The following KLHL1 variants were observed in gnomAD, a reference collection of about 807,000 sequenced individuals.
KLHL1 encodes kelch like family member 1.
In KLHL1, 47 loss-of-function variants were observed where a neutral mutation model predicts 77.7. That is an observed-to-expected ratio of 0.60 (90% CI 0.48 to 0.77). KLHL1 has a LOEUF of 0.77. Among genes scored for constraint, KLHL1 ranks in the 30% least tolerant of loss-of-function variants. KLHL1 has a pLI of 0.00. For missense variants in KLHL1, 925 were observed against 910.8 expected, an observed-to-expected ratio of 1.02 and a Z score of -0.20; for synonymous variants, 360 against 325.2, an observed-to-expected ratio of 1.11 and a Z score of -1.15.
chr13:69,917,259 A>C (rs1882477393), intron 4 of KLHL1, among the ~76,000 whole-genome samples: 1 of 152,044 alleles, frequency 6.6e-6, no homozygotes, highest in Non-Finnish European at 1.5e-5. Context: ...AAGTAAATAA[A>C]ATGAAATGCT....
intron 4 of KLHL1, among the ~76,000 whole-genome samples, chr13:69,888,976 A>G (rs1036831889): frequency 1.4e-4 from 22 of 151,968 alleles, no homozygotes; most frequent in African/African-American, 4.8e-4. Context: ...GATAGCAAAT[A>G]TCAAGAGTTA....
At chr13:70,007,379 T>C (rs1266842939) in intron 1 of KLHL1, among the ~76,000 whole-genome samples, 1 of 151,790 alleles carries the variant, frequency 6.6e-6, no homozygotes, top group Non-Finnish European at 1.5e-5. Context: ...TATATAGGTA[T>C]ATATTGATAC....
chr13:69,765,012 C>T (rs1165236164), intron 7 of KLHL1, among the ~76,000 whole-genome samples: 8 of 122,326 alleles, frequency 6.5e-5, no homozygotes, highest in Admixed American at 1.1e-4. Context: ...AGTGCAGTGG[C>T]GCAATCTCAG....
chr13:69,827,803 C>T (rs1197707763), intron 6 of KLHL1, among the ~76,000 whole-genome samples: 1 of 150,042 alleles, frequency 6.7e-6, no homozygotes, highest in African/African-American at 2.5e-5. Flanking sequence ...AGCAAAAGAG[C>T]AGAAGAAATA....
intron 4 of KLHL1, among the ~76,000 whole-genome samples, chr13:69,933,969 A>C (rs960260458): frequency 6.6e-6 from 1 of 152,160 alleles, no homozygotes; most frequent in East Asian, 1.9e-4. Flanking sequence ...AGCATATTGA[A>C]TAGGGCATGA....
At chr13:69,952,733 T>G (rs2137256912) in intron 3 of KLHL1, among the ~76,000 whole-genome samples, 1 of 151,434 alleles carries the variant, frequency 6.6e-6, no homozygotes, top group South Asian at 2.1e-4. Flanking sequence ...TGTTTAAAAT[T>G]AAAGTGCTTC....
chr13:69,860,787 T>A (rs1009498323), intron 5 of KLHL1, among the ~76,000 whole-genome samples: 59 of 151,958 alleles, frequency 3.9e-4, no homozygotes, highest in African/African-American at 1.3e-3. Context: ...AATGTGTTTT[T>A]ATTTTATCAG....
chr13:69,749,375 CATG>C (rs768151317), intron 7 of KLHL1, among the ~76,000 whole-genome samples: 1 of 151,880 alleles, frequency 6.6e-6, no homozygotes, highest in Non-Finnish European at 1.5e-5. Context: ...TTAATAATTA[CATG>C]ATGACTTCTG....
intron 1 of KLHL1, among the ~76,000 whole-genome samples, chr13:70,059,157 CTTT>C (rs58877477): frequency 1.4e-5 from 2 of 139,326 alleles, no homozygotes; most frequent in Admixed American, 7.2e-5. Flanking sequence ...AATATTTCTT[CTTT>C]TTTTTTTTTT....
At chr13:69,782,775 G>C (rs1447993984) in intron 7 of KLHL1, among the ~76,000 whole-genome samples, 4 of 152,192 alleles carry the variant, frequency 2.6e-5, no homozygotes, top group Admixed American at 6.5e-5. Context: ...AACCTCTACA[G>C]ACTTAAATGT....
intron 1 of KLHL1, among the ~76,000 whole-genome samples, chr13:70,019,685 C>G (rs1053639830): frequency 2.6e-5 from 4 of 152,096 alleles, no homozygotes; most frequent in Non-Finnish European, 5.9e-5. Context: ...CCCAAAGTTA[C>G]ACAGTTTATA....
chr13:69,985,071 C>T (rs1884824374), intron 1 of KLHL1, among the ~76,000 whole-genome samples: 1 of 152,048 alleles, frequency 6.6e-6, no homozygotes, highest in Admixed American at 6.6e-5. Context: ...GAGATTGCAC[C>T]ACTGCACTAC....
intron 2 of KLHL1, among the ~76,000 whole-genome samples, chr13:69,972,460 T>A (rs1036192374): frequency 1.3e-5 from 2 of 151,908 alleles, no homozygotes; most frequent in African/African-American, 4.8e-5. Flanking sequence ...TATTCTTCAT[T>A]TAAGTTTTCA....
intron 1 of KLHL1, among the ~76,000 whole-genome samples, chr13:70,048,036 C>T (rs1001330728): frequency 3.9e-5 from 6 of 152,026 alleles, no homozygotes; most frequent in African/African-American, 9.7e-5. Flanking sequence ...TTTTTCTGTG[C>T]GTAAGGGGGT....
At chr13:69,734,309 G>A (rs1353257708) in intron 8 of KLHL1, among the ~76,000 whole-genome samples, 1 of 152,160 alleles carries the variant, frequency 6.6e-6, no homozygotes, top group Non-Finnish European at 1.5e-5. Context: ...CCTAGAAGCT[G>A]TGCAGATGCC....
intron 1 of KLHL1, among the ~76,000 whole-genome samples, chr13:70,061,206 T>A (rs1055825810): frequency 6.6e-6 from 1 of 152,166 alleles, no homozygotes; most frequent in African/African-American, 2.4e-5. Flanking sequence ...AGTGTAGAAT[T>A]CTTGCACATC....
At chr13:69,978,820 C>T (rs1037294324) in intron 1 of KLHL1, among the ~76,000 whole-genome samples, 2 of 152,030 alleles carry the variant, frequency 1.3e-5, no homozygotes, top group African/African-American at 2.4e-5. Flanking sequence ...ATAAAGATTT[C>T]ATAATCTAGG....
At chr13:69,797,700 G>T (rs948474609) in intron 6 of KLHL1, among the ~76,000 whole-genome samples, 3 of 151,450 alleles carry the variant, frequency 2.0e-5, no homozygotes, top group African/African-American at 7.3e-5. Context: ...ATGGTGGCAG[G>T]TGCCTGTAGT....
chr13:69,707,061 C>T (rs1875659792), intron 10 of KLHL1, among the ~76,000 whole-genome samples: 1 of 151,968 alleles, frequency 6.6e-6, no homozygotes, highest in African/African-American at 2.4e-5. Context: ...GCACTCACTA[C>T]ATGACAGGCT....
Sources: allele counts gnomAD v4.1 joint callset (sites outside exome capture counted in the v4.1 genomes callset), GRCh38; gene constraint gnomAD v4.1.1; transcripts MANE v1.5; gene names NCBI Gene and HGNC (gene_info 2026-07-23, HGNC 2026-07-21).